NOTCH3: variants seen among roughly 807,000 people sequenced by gnomAD.
NOTCH3 encodes notch receptor 3, also known as neurogenic locus notch homolog protein 3.
Under a neutral mutation model 213.3 loss-of-function variants are expected in NOTCH3, and 86 were observed. The observed-to-expected ratio is 0.40, with a 90% CI of 0.34 to 0.48. The LOEUF is 0.48. Ranked by LOEUF, NOTCH3 falls within the 20% of genes least tolerant of loss-of-function variation. The pLI, the probability that NOTCH3 is intolerant of heterozygous loss-of-function variation, is 0.57. For missense variants in NOTCH3, 2,783 were observed against 3,272.6 expected, an observed-to-expected ratio of 0.85 and a Z score of 3.65; for synonymous variants, 1,354 against 1,355.9, an observed-to-expected ratio of 1.00 and a Z score of 0.03.
At position 15,166,084 on chromosome 19, in the gene NOTCH3, G is replaced by A. The variant is rs35887416; in HGVS notation, c.5370C>T (p.Phe1790=). The part of the protein sequence containing the change: ...MDVNVRGPDG[F]TPLMLASFCG... ...AGAAGGAAGCCAGCATTAGCGGGGT[G>A]AAGCCATCTGCAGGGACAGGAGTGT... Residue 1790 remains phenylalanine, a synonymous_variant, in exon 30 of 33, where the codon TTC becomes TTT. Coordinates refer to ENST00000263388, the MANE Select transcript of NOTCH3 (RefSeq NM_000435.3). The A allele has an allele frequency of 4.9e-4, 788 of 1,614,090 alleles. 6 individuals are homozygous for A. In the African/African-American group the frequency reaches 9.2e-3, roughly 19 times the overall value.
chr19:15,170,062 C>CA, intron 28 of NOTCH3, 24 bp downstream of exon 28: 1 of 1,456,726 alleles, frequency 6.9e-7, no homozygotes, highest in South Asian at 1.2e-5. Flanking sequence ...GAGGAGGGGG[C>CA]AAAGGTCAGA....
At chr19:15,168,171 C>A (rs1244021706) in intron 28 of NOTCH3, among the ~76,000 whole-genome samples, 1 of 152,166 alleles carries the variant, frequency 6.6e-6, no homozygotes, top group East Asian at 1.9e-4. Context: ...GGGCAAATCA[C>A]TTTGAAGCTC....
intron 2 of NOTCH3, 59 bp downstream of exon 2, chr19:15,197,441 G>GCGGCCC: frequency 2.1e-5 from 16 of 768,346 alleles, no homozygotes; most frequent in East Asian, 5.5e-5. Flanking sequence ...AAGACAAATC[G>GCGGCCC]CCCCTCCCCC....
At chr19:15,179,792 A>T (rs1340359113) in intron 20 of NOTCH3, 1 of 589,732 alleles carries the variant, frequency 1.7e-6, no homozygotes, top group Non-Finnish European at 3.0e-6. Flanking sequence ...CTGAAGCAGA[A>T]GAATCACCTG....
chr19:15,199,096 A>T (rs1324699103), intron 1 of NOTCH3, among the ~76,000 whole-genome samples: 4 of 152,224 alleles, frequency 2.6e-5, no homozygotes, highest in Non-Finnish European at 5.9e-5. Context: ...TGTGGGTCCC[A>T]TAACATGGGC....
intron 31 of NOTCH3, among the ~76,000 whole-genome samples, chr19:15,164,853 G>A (rs949844438): frequency 1.3e-5 from 2 of 151,786 alleles, no homozygotes; most frequent in Admixed American, 6.6e-5. Context: ...GCACAATCAC[G>A]GCTCACAGAC....
At chr19:15,191,698 G>GTTGCCCAGGC in intron 5 of NOTCH3, 41 bp from the exon 6 acceptor site, 1 of 1,613,442 alleles carries the variant, frequency 6.2e-7, no homozygotes. Context: ...CCTGGCGCAT[G>GTTGCCCAGGC]TCCACCCGAG....
chr19:15,165,970 C>A lies in NOTCH3; in HGVS notation c.5484G>T (p.Gly1828=), dbSNP rs769445841. The A allele has an allele frequency of 3.1e-6, 5 of 1,614,164 alleles. No homozygotes were observed. In the Admixed American group the frequency reaches 8.3e-5, roughly 27 times the overall value. ...ASIISDLICQ[G]AQLGARTDRT... is the part of the protein sequence containing the mutation. ...GGTCAGTCCGTGCCCCAAGCTGAGCCCCCTGGCAGATCAGGTCGGAGATGA... is the reference window on the plus strand; with the variant it reads ...GGTCAGTCCGTGCCCCAAGCTGAGCACCCTGGCAGATCAGGTCGGAGATGA... The change falls in exon 30 of 33, where the codon GGG becomes GGT. Residue 1828 remains glycine, a synonymous_variant. Coordinates refer to ENST00000263388, the MANE Select transcript of NOTCH3 (RefSeq NM_000435.3). The surrounding 1 kb of genome is among the most constrained non-coding windows in gnomAD (Gnocchi z 4.7).
chr19:15,166,114 G>C (rs1176996466), intron 29 of NOTCH3, 23 bp from the exon 30 acceptor site: 14 of 1,605,612 alleles, frequency 8.7e-6, no homozygotes, highest in Non-Finnish European at 1.1e-5. Flanking sequence ...GAGTGTGTCA[G>C]CAGGAAGGTA....
intron 29 of NOTCH3, among the ~76,000 whole-genome samples, chr19:15,166,842 A>T (rs1014685979): frequency 6.6e-6 from 1 of 152,208 alleles, no homozygotes; most frequent in South Asian, 2.1e-4. Flanking sequence ...AAAGACAGGT[A>T]TGTGAATCAG....
chr19:15,197,441 G>GCGGCCCCCCCCCCCC, intron 2 of NOTCH3, 59 bp downstream of exon 2: 8 of 768,354 alleles, frequency 1.0e-5, no homozygotes, highest in Non-Finnish European at 1.4e-5. Flanking sequence ...AAGACAAATC[G>GCGGCCCCCCCCCCCC]CCCCTCCCCC....
intron 23 of NOTCH3, 48 bp from the exon 24 acceptor site, chr19:15,178,138 TGGAGG>T (rs1338040749): frequency 1.8e-6 from 2 of 1,142,516 alleles, no homozygotes. Flanking sequence ...GGGTGGGGAG[TGGAGG>T]GAAGGAGGAG....
At chr19:15,186,790 T>C in intron 12 of NOTCH3, 88 bp downstream of exon 12, 1 of 1,055,894 alleles carries the variant, frequency 9.5e-7, no homozygotes. Context: ...GACAAGAGTC[T>C]GCAAAGATAC....
At chr19:15,188,728 T>G (rs1243901853) in intron 8 of NOTCH3, among the ~76,000 whole-genome samples, 11 of 151,842 alleles carry the variant, frequency 7.2e-5, no homozygotes, top group Non-Finnish European at 4.4e-5. Context: ...TCTGCCTCTC[T>G]ATCCCCAACC....
chr19:15,186,949 T>C lies in NOTCH3; in HGVS notation c.1880A>G (p.Asn627Ser), dbSNP rs1378216076. The change falls in exon 12 of 33, where the codon AAC becomes AGC. Residue 627 changes from asparagine (N) to serine (S), a missense_variant. Asn to Ser is a conservative substitution (Grantham distance 46). Coordinates refer to ENST00000263388, the MANE Select transcript of NOTCH3 (RefSeq NM_000435.3). ...ACGGCAGACTCCAAAGGTGCAGGGGTTGCTGGCACAGTCGTCAATGTTCAC... is the reference window on the plus strand; with the variant it reads ...ACGGCAGACTCCAAAGGTGCAGGGGCTGCTGGCACAGTCGTCAATGTTCAC... ...CEVNIDDCAS[N>S]PCTFGVCRDG... 3 of 1,614,012 alleles carry C rather than the reference T, an allele frequency of 1.9e-6. No individual in the cohort carries two copies. The highest frequency in any genetic ancestry group is 2.5e-6 in the Non-Finnish European group (3 of 1,180,024).
Position 15,165,589 on chromosome 19 carries a change from T to G in NOTCH3, c.5668-74A>C. 3.9e-6 allele frequency: 6 copies of G among 1,539,462 alleles called. No homozygotes were observed. Among genetic ancestry groups the G allele is most frequent in the South Asian group, 2.3e-5 (2 of 85,342 alleles). The stretch of plus-strand genomic sequence containing the variant: ...GAATCAGGAGCACCCCTAAGTCCCA[T>G]GAAGTCCCCAACCCCCATACCCCAA... On this transcript the variant is annotated intron_variant, in intron 30 of 32. Transcript: ENST00000263388. The surrounding 1 kb of genome is among the most constrained non-coding windows in gnomAD (Gnocchi z 4.7).
intron 25 of NOTCH3, among the ~76,000 whole-genome samples, chr19:15,171,763 C>A (rs1387121976): frequency 2.6e-5 from 4 of 152,166 alleles, no homozygotes; most frequent in Non-Finnish European, 4.4e-5. Flanking sequence ...CTCCGACTCC[C>A]TGGTTCAAGT....
chr19:15,178,752 A>G, intron 23 of NOTCH3, 71 bp downstream of exon 23: 1 of 1,090,082 alleles, frequency 9.2e-7, no homozygotes. Flanking sequence ...TCCTCCTCCT[A>G]GACGCCACGC....
chr19:15,165,239 T>C lies in NOTCH3; in HGVS notation c.5815+129A>G, dbSNP rs547830603. The C allele has an allele frequency of 2.7e-4, 262 of 988,394 alleles. 6 individuals carry two copies. The highest frequency in any genetic ancestry group is 2.6e-3 in the South Asian group (201 of 76,820). 61.2% of individuals were successfully genotyped at this position (988,394 alleles called of 1,614,324 possible). On this transcript the variant is annotated intron_variant, in intron 31 of 32. Coordinates refer to ENST00000263388, the MANE Select transcript of NOTCH3 (RefSeq NM_000435.3). The surrounding 1 kb of genome is among the most constrained non-coding windows in gnomAD (Gnocchi z 4.7). ...ACCCTGCATGACCCTGCAGGCTTCA[T>C]GAAGCCTGGTTATGTGTGCGTGAGC...
Sources: gnomAD v4.1 joint callset for allele counts (sites outside exome capture counted in the v4.1 genomes callset) on GRCh38, gnomAD v4.1.1 for gene constraint, Gnocchi (gnomAD v3.1) non-coding constraint, MANE v1.5 for transcripts, NCBI Gene and HGNC (gene_info 2026-07-23, HGNC 2026-07-21) for gene names.